The following HMCN1 variants were observed in gnomAD, a reference collection of about 807,000 sequenced individuals.
HMCN1 encodes the protein hemicentin 1, also known as hemicentin-1.
In HMCN1, 321 loss-of-function variants were observed where a neutral mutation model predicts 625.9. The observed-to-expected ratio is 0.51, with a 90% CI of 0.47 to 0.56. The LOEUF (loss-of-function observed/expected upper bound fraction) is 0.56, where lower values mean the gene tolerates loss of function less well. HMCN1 is among the 20% of genes least tolerant of loss of function. The pLI is 0.00. For synonymous variants in HMCN1, 2,425 were observed against 2,417.6 expected, an observed-to-expected ratio of 1.00 and a Z score of -0.09; for missense variants, 6,588 against 6,887.3, an observed-to-expected ratio of 0.96 and a Z score of 1.54.
intron 97 of HMCN1, among the ~76,000 whole-genome samples, chr1:186,161,631 C>G (rs1223343354): frequency 6.6e-6 from 1 of 152,000 alleles, no homozygotes. Flanking sequence ...GACAAAATCT[C>G]TCAGCATTTG....
At chr1:185,917,206 C>T (rs11804668) in intron 6 of HMCN1, among the ~76,000 whole-genome samples, 14,287 of 152,108 alleles carry the variant, frequency 0.094, 1,866 homozygotes, top group African/African-American at 0.29. Flanking sequence ...GGGGAATTTA[C>T]TAGCACCCCA....
At chr1:186,179,821 T>C (rs1652832121) in intron 104 of HMCN1, among the ~76,000 whole-genome samples, 1 of 152,152 alleles carries the variant, frequency 6.6e-6, no homozygotes, top group Non-Finnish European at 1.5e-5. Context: ...TATTATCTTC[T>C]CAGATGGACT....
chr1:185,970,289 T>C (rs775022116), intron 14 of HMCN1, 46 bp from the exon 15 acceptor site: 2 of 1,561,352 alleles, frequency 1.3e-6, no homozygotes, highest in Non-Finnish European at 1.8e-6. Flanking sequence ...GCATAAACAA[T>C]TTTAATACTT....
At chr1:185,963,513 G>GTT (rs145475092) in intron 12 of HMCN1, among the ~76,000 whole-genome samples, 4,560 of 152,154 alleles carry the variant, frequency 0.03, 227 homozygotes, top group African/African-American at 0.1. Context: ...TCATTAGGGT[G>GTT]AGGAAAATTT....
intron 17 of HMCN1, among the ~76,000 whole-genome samples, chr1:185,981,326 GCACACA>G (rs58305455): frequency 2.7e-5 from 4 of 147,742 alleles, no homozygotes; most frequent in East Asian, 2.0e-4. Flanking sequence ...ATACACACAT[GCACACA>G]CACACACACA....
rs1198934227 is a variant in HMCN1, at chr1:185,845,964, CAAG to C, written c.269-59_269-57del. ...CAAGGTGAAAAGACATCTATAAACA[CAAG>C]AAAGTCTTTAATGCCATTGATTACT... On this transcript the variant is annotated intron_variant, in intron 1 of 106. Coordinates refer to ENST00000271588, the MANE Select transcript of HMCN1 (RefSeq NM_031935.3). 23 of 1,056,328 alleles carry C rather than the reference CAAG, an allele frequency of 2.2e-5. No homozygotes were observed. In the East Asian group the frequency reaches 5.4e-4, roughly 25 times the overall value. The allele number at this position is 1,056,328 out of a possible 1,614,324, so 65.4% of individuals were successfully genotyped here. A position where few individuals can be genotyped will look rare whatever the true frequency, so the allele number is the denominator to read the frequency against.
At chr1:185,866,993 TC>T (rs367833040) in intron 4 of HMCN1, among the ~76,000 whole-genome samples, 79 of 152,268 alleles carry the variant, frequency 5.2e-4, no homozygotes, top group African/African-American at 1.9e-3. Context: ...TCTATTAATT[TC>T]ATGACAGACT....
At chr1:186,132,532 T>C in intron 86 of HMCN1, 123 bp downstream of exon 86, 1 of 780,550 alleles carries the variant, frequency 1.3e-6, no homozygotes, top group Non-Finnish European at 2.2e-6. Context: ...GTGTCTAATT[T>C]AGTTTTCTGC....
intron 4 of HMCN1, among the ~76,000 whole-genome samples, chr1:185,902,920 T>G (rs995275533): frequency 6.6e-6 from 1 of 151,232 alleles, no homozygotes; most frequent in Non-Finnish European, 1.5e-5. Flanking sequence ...ATTTGGCCAT[T>G]CTAAAATAGG....
In HMCN1 at chr1:186,117,018, A is replaced by G; in HGVS notation, c.11586A>G (p.Val3862=). 1 of 1,613,156 alleles carries G rather than the reference A, an allele frequency of 6.2e-7. No homozygotes were observed. Among genetic ancestry groups the G allele is most frequent in the Non-Finnish European group, 8.5e-7 (1 of 1,179,310 alleles). Residue 3862 remains valine, a synonymous_variant, in exon 76 of 107, where the codon GTA becomes GTG. Coordinates refer to ENST00000271588, the MANE Select transcript of HMCN1 (RefSeq NM_031935.3). ...SYRLLSSGSL[V]IISPSVDDTA... is the part of the protein sequence containing the mutation. ...GGCTCCTTTCTTCAGGTTCACTAGT[A>G]ATTATTTCCCCTTCTGTGGATGACA...
chr1:185,804,282 G>T (rs1490379170), intron 1 of HMCN1, among the ~76,000 whole-genome samples: 3 of 151,980 alleles, frequency 2.0e-5, no homozygotes, highest in Non-Finnish European at 4.4e-5. Context: ...TCCTTAATTT[G>T]TATGTCTGCT....
intron 4 of HMCN1, among the ~76,000 whole-genome samples, chr1:185,880,826 C>A (rs1180665648): frequency 6.6e-6 from 1 of 152,142 alleles, no homozygotes; most frequent in African/African-American, 2.4e-5. Context: ...GTTATAATAA[C>A]CCCCATGTAA....
At chr1:185,959,931 T>C (rs528102973) in intron 11 of HMCN1, among the ~76,000 whole-genome samples, 64 of 152,302 alleles carry the variant, frequency 4.2e-4, no homozygotes, top group African/African-American at 1.5e-3. Flanking sequence ...TTCATTAAAA[T>C]GAGGAGGTTT....
intron 11 of HMCN1, among the ~76,000 whole-genome samples, chr1:185,950,957 G>T (rs1236211557): frequency 1.3e-5 from 2 of 150,476 alleles, no homozygotes; most frequent in African/African-American, 4.9e-5. Flanking sequence ...TGTAAGGAGA[G>T]TTTATAGGCT....
chr1:186,172,283 G>A (rs1302950690), intron 102 of HMCN1, 152 bp downstream of exon 102: 7 of 1,069,528 alleles, frequency 6.5e-6, no homozygotes, highest in Non-Finnish European at 8.4e-6. Flanking sequence ...GGATAATTGA[G>A]CTCCAGGTCC....
intron 4 of HMCN1, among the ~76,000 whole-genome samples, chr1:185,874,743 A>C (rs1169373296): frequency 6.6e-6 from 1 of 152,024 alleles, no homozygotes; most frequent in Non-Finnish European, 1.5e-5. Context: ...TTCTAGTCAT[A>C]ATTTTAAATA....
At chr1:185,781,730 C>T (rs185729510) in intron 1 of HMCN1, among the ~76,000 whole-genome samples, 28 of 152,152 alleles carry the variant, frequency 1.8e-4, no homozygotes, top group African/African-American at 5.1e-4. Flanking sequence ...TTATACTTTC[C>T]GTTCTTTTAC....
At chr1:186,003,873 G>A (rs1410889243) in intron 29 of HMCN1, 29 bp downstream of exon 29, 1 of 1,608,864 alleles carries the variant, frequency 6.2e-7, no homozygotes, top group Non-Finnish European at 8.5e-7. Context: ...TTTGTTGCAA[G>A]GTTTCAATGA....
chr1:185,807,262 A>C (rs1659229578), intron 1 of HMCN1, among the ~76,000 whole-genome samples: 1 of 152,186 alleles, frequency 6.6e-6, no homozygotes, highest in African/African-American at 2.4e-5. Context: ...GGCACTGAAG[A>C]GTCAATATTC....
Sources: allele counts gnomAD v4.1 joint callset (sites outside exome capture counted in the v4.1 genomes callset), GRCh38; gene constraint gnomAD v4.1.1; transcripts MANE v1.5; gene names NCBI Gene and HGNC (gene_info 2026-07-23, HGNC 2026-07-21).